Variants in DST observed in about 807,000 individuals in gnomAD.
DST encodes bullous pemphigoid antigen.
DST carries 253 observed loss-of-function variants against 875.2 expected under a neutral mutation model. That is an observed-to-expected ratio of 0.29 (90% confidence interval 0.26 to 0.32). The LOEUF is 0.32. DST is among the 10% of genes least tolerant of loss of function. The pLI is 1.00. For synonymous variants in DST, 3,124 were observed against 3,197.1 expected, an observed-to-expected ratio of 0.98 and a Z score of 0.77; for missense variants, 8,287 against 9,111.6, an observed-to-expected ratio of 0.91 and a Z score of 3.68.
chr6:56,840,899 C>T (rs1236764545), intron 4 of DST, among the ~76,000 whole-genome samples: 1 of 152,182 alleles, frequency 6.6e-6, no homozygotes, highest in Non-Finnish European at 1.5e-5. Flanking sequence ...ACAGCTGAGG[C>T]ATATGATAAC....
intron 85 of DST, among the ~76,000 whole-genome samples, chr6:56,491,035 CAT>C (rs1467153754): frequency 3.3e-5 from 5 of 152,180 alleles, no homozygotes; most frequent in African/African-American, 4.8e-5. Flanking sequence ...CGGCACTACA[CAT>C]GTTATTGCAC....
intron 9 of DST, among the ~76,000 whole-genome samples, chr6:56,684,810 GGCAGACCCTTTTCACT>G (rs1231183280): frequency 2.6e-5 from 4 of 152,142 alleles, no homozygotes; most frequent in Non-Finnish European, 5.9e-5. Context: ...CACTCCTAAA[GGCAGACCCTTTTCACT>G]GGAGCTTCTC....
intron 52 of DST, 144 bp downstream of exon 52, chr6:56,572,603 A>T (rs2097794559): frequency 1.6e-6 from 1 of 614,808 alleles, no homozygotes; most frequent in African/African-American, 1.9e-5. Flanking sequence ...AAGGTTTGAA[A>T]TTCTTAAAGG....
chr6:56,566,913 C>T (rs1167400555), intron 55 of DST, among the ~76,000 whole-genome samples: 7 of 152,112 alleles, frequency 4.6e-5, no homozygotes, highest in Admixed American at 3.3e-4. Context: ...ACTCATATTA[C>T]GTCAACACTA....
intron 3 of DST, among the ~76,000 whole-genome samples, chr6:56,858,014 T>C (rs1026956091): frequency 3.9e-5 from 6 of 152,214 alleles, no homozygotes; most frequent in African/African-American, 1.4e-4. Flanking sequence ...AATTAAGGTA[T>C]GAAATCTTTT....
At chr6:56,830,894 A>T (rs949808910) in intron 4 of DST, among the ~76,000 whole-genome samples, 16 of 152,196 alleles carry the variant, frequency 1.1e-4, no homozygotes, top group African/African-American at 3.9e-4. Context: ...TTGACTGCAT[A>T]TAAGGATGAG....
intron 4 of DST, among the ~76,000 whole-genome samples, chr6:56,753,906 C>A (rs190311985): frequency 2.0e-5 from 3 of 152,310 alleles, no homozygotes; most frequent in Admixed American, 1.3e-4. Flanking sequence ...CCTTAAAACA[C>A]AACTGATTGT....
intron 5 of DST, among the ~76,000 whole-genome samples, chr6:56,712,259 TA>T (rs530064091): frequency 6.6e-6 from 1 of 152,078 alleles, no homozygotes; most frequent in African/African-American, 2.4e-5. Context: ...TTTTTCACCT[TA>T]AAAAAATCAT....
At chr6:56,468,376 T>C (rs2094697628) in intron 98 of DST, among the ~76,000 whole-genome samples, 1 of 152,216 alleles carries the variant, frequency 6.6e-6, no homozygotes, top group Admixed American at 6.5e-5. Flanking sequence ...GCATATATTA[T>C]AGCGATAACT....
intron 3 of DST, among the ~76,000 whole-genome samples, chr6:56,883,040 A>C (rs558935647): frequency 6.6e-6 from 1 of 152,132 alleles, no homozygotes; most frequent in East Asian, 1.9e-4. Flanking sequence ...GCTGGTTTTT[A>C]TATTTTTAGT....
At chr6:56,811,290 G>A (rs1192759840) in intron 4 of DST, among the ~76,000 whole-genome samples, 1 of 151,528 alleles carries the variant, frequency 6.6e-6, no homozygotes, top group African/African-American at 2.4e-5. Context: ...GTAGAGAAAG[G>A]AGTAAGCCAG....
At chr6:56,920,702 G>A (rs568110796) in intron 2 of DST, among the ~76,000 whole-genome samples, 49 of 150,024 alleles carry the variant, frequency 3.3e-4, no homozygotes, top group Middle Eastern at 3.5e-3. Flanking sequence ...CATCAACAGC[G>A]GTTTTTCTTT....
At chr6:56,925,513 A>T (rs539254382) in intron 2 of DST, among the ~76,000 whole-genome samples, 1 of 152,332 alleles carries the variant, frequency 6.6e-6, no homozygotes, top group East Asian at 1.9e-4. Flanking sequence ...TGGCCTTCTT[A>T]TATATCTACA....
chr6:56,719,767 T>A (rs1482426906), intron 5 of DST, among the ~76,000 whole-genome samples: 1 of 152,104 alleles, frequency 6.6e-6, no homozygotes, highest in African/African-American at 2.4e-5. Flanking sequence ...GGGGGAGACA[T>A]CACATGTCGG....
intron 99 of DST, 98 bp downstream of exon 99, chr6:56,465,980 G>T: frequency 1.1e-6 from 1 of 925,900 alleles, no homozygotes; most frequent in Non-Finnish European, 1.6e-6. Flanking sequence ...TTCACTATTG[G>T]AATAAATGAC....
chr6:56,626,185 T>A (rs911976651), intron 34 of DST, among the ~76,000 whole-genome samples: 1 of 152,094 alleles, frequency 6.6e-6, no homozygotes, highest in East Asian at 1.9e-4. Context: ...AAGAAATTTT[T>A]TTATAAGCTA....
At chr6:56,723,764 A>G (rs570262569) in intron 5 of DST, among the ~76,000 whole-genome samples, 2 of 152,304 alleles carry the variant, frequency 1.3e-5, no homozygotes, top group South Asian at 4.1e-4. Context: ...TCCAAGACCA[A>G]ATGAATTAGG....
intron 55 of DST, among the ~76,000 whole-genome samples, chr6:56,567,545 A>G (rs570619309): frequency 6.6e-6 from 1 of 152,214 alleles, no homozygotes; most frequent in Non-Finnish European, 1.5e-5. Flanking sequence ...GCACAGTAGA[A>G]TTCCTCTTCT....
At chr6:56,625,370 CTT>C in intron 34 of DST, 106 bp from the exon 35 acceptor site, 2 of 770,900 alleles carry the variant, frequency 2.6e-6, no homozygotes, top group Non-Finnish European at 4.6e-6. Flanking sequence ...ACTAAAATAA[CTT>C]TAGTGATTTG....
Sources: gnomAD v4.1 joint callset for allele counts (sites outside exome capture counted in the v4.1 genomes callset) on GRCh38, gnomAD v4.1.1 for gene constraint, MANE v1.5 for transcripts, NCBI Gene and HGNC (gene_info 2026-07-23, HGNC 2026-07-21) for gene names.